Variants in FSTL4 observed in about 807,000 individuals in gnomAD.
FSTL4 encodes the protein follistatin like 4, also known as follistatin-related protein 4.
A neutral mutation model predicts 78.2 loss-of-function variants in FSTL4; 28 were observed. The ratio of observed to expected loss-of-function variants is 0.36; its 90% CI spans 0.27 to 0.49. The LOEUF (loss-of-function observed/expected upper bound fraction) is 0.49. Among genes scored for constraint, FSTL4 ranks in the 20% least tolerant of loss-of-function variants. The probability of loss-of-function intolerance (pLI) is 0.98; values close to 1 mark genes in which losing one functional copy is unlikely to be tolerated. For missense variants in FSTL4, 922 were observed against 1,084.9 expected (o/e 0.85, Z 2.11); for synonymous variants, 422 against 440.5 (o/e 0.96, Z 0.53).
intron 4 of FSTL4, among the ~76,000 whole-genome samples, chr5:133,350,079 G>A (rs1054236339): frequency 6.8e-6 from 1 of 146,090 alleles, no homozygotes; most frequent in East Asian, 2.1e-4. Context: ...CCATGCGACT[G>A]TAAAGGACCC....
the FSTL4 span, among the ~76,000 whole-genome samples, chr5:133,646,459 C>T: frequency 3.9e-5 from 6 of 152,148 alleles, no homozygotes; most frequent in Middle Eastern, 3.4e-3. Context: ...GAGAAGACTT[C>T]GGATGGTTGA....
intron 3 of FSTL4, among the ~76,000 whole-genome samples, chr5:133,457,112 AAAGAAAAAAAAAAAG>A (rs1319931891): frequency 7.0e-6 from 1 of 143,504 alleles, no homozygotes; most frequent in Non-Finnish European, 1.6e-5. Context: ...GGAGATAGAG[AAAGAAAAAAAAAAAG>A]AAGAAGAAAA....
intron 3 of FSTL4, among the ~76,000 whole-genome samples, chr5:133,510,883 C>T (rs1365677937): frequency 6.6e-6 from 1 of 152,082 alleles, no homozygotes; most frequent in Non-Finnish European, 1.5e-5. Context: ...ACGTCAAAAC[C>T]CATCTGTGAG....
the FSTL4 span, among the ~76,000 whole-genome samples, chr5:133,706,976 T>A: frequency 6.6e-6 from 1 of 152,160 alleles, no homozygotes; most frequent in Non-Finnish European, 1.5e-5. Context: ...GTAAAGGCAC[T>A]CTCTCACACT....
intron 3 of FSTL4, among the ~76,000 whole-genome samples, chr5:133,476,050 C>G (rs144842431): frequency 1.8e-3 from 277 of 151,924 alleles, no homozygotes; most frequent in Middle Eastern, 0.01. Flanking sequence ...AGGAGGAGGA[C>G]GAGAGAAAAG....
intron 3 of FSTL4, among the ~76,000 whole-genome samples, chr5:133,410,895 C>T (rs554805593): frequency 2.0e-5 from 3 of 152,184 alleles, no homozygotes; most frequent in Non-Finnish European, 2.9e-5. Flanking sequence ...GTAACAATAT[C>T]GGACAATCTG....
intron 3 of FSTL4, among the ~76,000 whole-genome samples, chr5:133,547,140 A>G (rs1475280869): frequency 6.6e-6 from 1 of 152,170 alleles, no homozygotes; most frequent in African/African-American, 2.4e-5. Context: ...CATGGAGTCA[A>G]AGAAGATTAT....
At chr5:133,421,233 C>T (rs1000054400) in intron 3 of FSTL4, among the ~76,000 whole-genome samples, 43 of 152,366 alleles carry the variant, frequency 2.8e-4, no homozygotes, top group Middle Eastern at 3.4e-3. Flanking sequence ...CACCATGGTG[C>T]ATACAGTGGG....
intron 8 of FSTL4, among the ~76,000 whole-genome samples, chr5:133,227,184 A>T (rs1346759461): frequency 6.6e-6 from 1 of 152,208 alleles, no homozygotes; most frequent in Non-Finnish European, 1.5e-5. Flanking sequence ...CCACACAGAG[A>T]CCCAAAACAA....
the FSTL4 span, among the ~76,000 whole-genome samples, chr5:133,722,990 G>A: frequency 2.0e-5 from 3 of 152,180 alleles, no homozygotes; most frequent in Admixed American, 2.0e-4. Context: ...CTTCCCCACG[G>A]TTAGGAGTCA....
At chr5:133,204,834 CAAAAAA>C (rs33932730) in intron 14 of FSTL4, among the ~76,000 whole-genome samples, 3 of 129,074 alleles carry the variant, frequency 2.3e-5, no homozygotes, top group Non-Finnish European at 3.3e-5. Flanking sequence ...GATTCTGTCT[CAAAAAA>C]AAAAAAAAAA....
At chr5:133,264,321 C>T (rs967286064) in intron 6 of FSTL4, among the ~76,000 whole-genome samples, 3 of 152,164 alleles carry the variant, frequency 2.0e-5, no homozygotes, top group Non-Finnish European at 4.4e-5. Context: ...TGCCCACCCA[C>T]TGCCCTGCCC....
chr5:133,357,303 C>T (rs1021367923), intron 4 of FSTL4, among the ~76,000 whole-genome samples: 2 of 152,334 alleles, frequency 1.3e-5, no homozygotes, highest in South Asian at 4.1e-4. Context: ...CCGTTGGCCT[C>T]TCTGTCTCCT....
chr5:133,211,317 C>T (rs1750705706), intron 13 of FSTL4, among the ~76,000 whole-genome samples: 1 of 152,210 alleles, frequency 6.6e-6, no homozygotes, highest in Non-Finnish European at 1.5e-5. Context: ...CACTGGTCAA[C>T]ATTCTAGTCC....
the FSTL4 span, among the ~76,000 whole-genome samples, chr5:133,674,219 A>G: frequency 0.047 from 7,086 of 152,210 alleles, 203 homozygotes; most frequent in Middle Eastern, 0.082. Context: ...ATCATTCCCA[A>G]TGATCTGGGT....
the FSTL4 span, among the ~76,000 whole-genome samples, chr5:133,679,340 G>T: frequency 6.6e-6 from 1 of 152,136 alleles, no homozygotes; most frequent in African/African-American, 2.4e-5. Context: ...TTAGGGACCA[G>T]CCAAGTTCCC....
chr5:133,699,031 C>T, the FSTL4 span, among the ~76,000 whole-genome samples: 1 of 152,250 alleles, frequency 6.6e-6, no homozygotes, highest in Admixed American at 6.5e-5. Context: ...CATCTCAATA[C>T]AGCCAGAAGG....
chr5:133,739,797 A>G, the FSTL4 span, among the ~76,000 whole-genome samples: 1 of 152,208 alleles, frequency 6.6e-6, no homozygotes, highest in African/African-American at 2.4e-5. Flanking sequence ...TTGCTGCACA[A>G]ATGAAGAAAC....
the FSTL4 span, among the ~76,000 whole-genome samples, chr5:133,701,069 A>G: frequency 2.0e-5 from 3 of 152,176 alleles, no homozygotes; most frequent in Non-Finnish European, 2.9e-5. Flanking sequence ...AGGGTTGACC[A>G]GGTTGACTGC....
Sources: gnomAD v4.1 joint callset for allele counts (sites outside exome capture counted in the v4.1 genomes callset) on GRCh38, gnomAD v4.1.1 for gene constraint, MANE v1.5 for transcripts, NCBI Gene and HGNC (gene_info 2026-07-23, HGNC 2026-07-21) for gene names.